The following SKP2 variants were observed in gnomAD, a reference collection of about 807,000 sequenced individuals.
The protein encoded by SKP2 is S-phase kinase associated protein 2.
In SKP2, 16 loss-of-function variants were observed where a neutral mutation model predicts 51.8. That is an observed-to-expected ratio of 0.31 (90% CI 0.21 to 0.47). SKP2 has a LOEUF of 0.47. Ranked by LOEUF, SKP2 falls within the 20% of genes least tolerant of loss-of-function variation. SKP2 has a pLI of 1.00. For missense variants in SKP2, 377 were observed against 505.3 expected, an observed-to-expected ratio of 0.75 and a Z score of 2.43; for synonymous variants, 176 against 198.6, an observed-to-expected ratio of 0.89 and a Z score of 0.96.
At chr5:36,157,717 T>C (rs1744998643) in intron 2 of SKP2, among the ~76,000 whole-genome samples, 1 of 152,228 alleles carries the variant, frequency 6.6e-6, no homozygotes, top group Non-Finnish European at 1.5e-5. Flanking sequence ...TCAGTATACA[T>C]TTCTGCAAGT....
At chr5:36,190,800 G>T (rs1561048085) in intron 6 of SKP2, among the ~76,000 whole-genome samples, 1 of 150,308 alleles carries the variant, frequency 6.7e-6, no homozygotes. Flanking sequence ...CTCCAATACA[G>T]ATAATTTTGA....
At chr5:36,170,495 T>A (rs1381738226) in intron 6 of SKP2, 53 bp downstream of exon 6, 3 of 1,057,278 alleles carry the variant, frequency 2.8e-6, no homozygotes, top group Non-Finnish European at 2.9e-6. Flanking sequence ...CGTAAAATTA[T>A]CCCTCACATC....
downstream of SKP2, among the ~76,000 whole-genome samples, chr5:36,187,028 C>T (rs1276136128): frequency 6.6e-5 from 10 of 152,084 alleles, no homozygotes; most frequent in East Asian, 7.7e-4. Context: ...AGTTTATTTG[C>T]GTAGAGGTGT....
At chr5:36,171,801 C>T in intron 7 of SKP2, 68 bp downstream of exon 7, 1 of 1,468,220 alleles carries the variant, frequency 6.8e-7, no homozygotes, top group Non-Finnish European at 9.4e-7. Context: ...TTGAGCTTCT[C>T]CTAATCATTC....
Position 36,170,453 on chromosome 5 carries a change from T to C in SKP2, c.770+11T>C. ...AAGCAGCTGTTCCAGGTATGAAAGATGTGAGACTTGATTATAGACTCTTAT... is the reference window on the plus strand; with the variant it reads ...AAGCAGCTGTTCCAGGTATGAAAGACGTGAGACTTGATTATAGACTCTTAT... On this transcript the variant is annotated intron_variant, in intron 6 of 9. Transcript: ENST00000274255. 1.3e-6 allele frequency: 2 copies of C among 1,499,044 alleles called. No individual in the cohort carries two copies. The highest frequency in any genetic ancestry group is 2.3e-5 in the South Asian group (2 of 87,478). The allele number at this position is 1,499,044 out of a possible 1,614,324, so 92.9% of individuals were successfully genotyped here.
chr5:36,153,262 TC>T (rs1744817737), intron 2 of SKP2, among the ~76,000 whole-genome samples: 1 of 151,218 alleles, frequency 6.6e-6, no homozygotes, highest in South Asian at 2.1e-4. Flanking sequence ...TGGTGCATAA[TC>T]ACCTTGAAAA....
At chr5:36,155,104 T>C (rs1246720544) in intron 2 of SKP2, 1 of 152,244 alleles carries the variant, frequency 6.6e-6, no homozygotes, top group African/African-American at 2.4e-5. Flanking sequence ...ATTGGTTGTT[T>C]AGTTGATTGG....
chr5:36,165,331 T>C (rs1372805464), intron 3 of SKP2, among the ~76,000 whole-genome samples: 1 of 152,176 alleles, frequency 6.6e-6, no homozygotes, highest in African/African-American at 2.4e-5. Context: ...AGGGTTCAGG[T>C]AGCTCCCAAA....
intron 2 of SKP2, among the ~76,000 whole-genome samples, chr5:36,156,213 A>G (rs1238060101): frequency 6.6e-6 from 1 of 152,164 alleles, no homozygotes; most frequent in African/African-American, 2.4e-5. Flanking sequence ...GTGATGCAGG[A>G]TGAGGGACAG....
chr5:36,182,332 G>A lies in SKP2; in HGVS notation c.*301G>A. ...AAAATTTGAGCCACCTCTTCCAAGT[G>A]CCCTTCTTACTAAGTCTATTCAGAA... On this transcript the variant is annotated 3_prime_UTR_variant, in exon 10 of 10. Coordinates refer to ENST00000274255, the MANE Select transcript of SKP2 (RefSeq NM_005983.4). 1 of 1,123,208 alleles carries A rather than the reference G, an allele frequency of 8.9e-7. No individual in the cohort carries two copies. The highest frequency in any genetic ancestry group is 1.1e-6 in the Non-Finnish European group (1 of 916,572). 69.6% of individuals were successfully genotyped at this position (1,123,208 alleles called of 1,614,324 possible).
intron 6 of SKP2, among the ~76,000 whole-genome samples, chr5:36,190,798 C>T (rs1481795384): frequency 5.9e-5 from 9 of 151,308 alleles, no homozygotes; most frequent in Admixed American, 5.9e-4. Flanking sequence ...CCCTCCAATA[C>T]AGATAATTTT....
At chr5:36,180,530 G>A (rs879933390) in intron 9 of SKP2, among the ~76,000 whole-genome samples, 2 of 152,054 alleles carry the variant, frequency 1.3e-5, no homozygotes, top group African/African-American at 4.8e-5. Context: ...ACATTTGTGG[G>A]GTTTAAGACA....
At chr5:36,176,899 G>A (rs1297870921) in intron 7 of SKP2, 66 bp from the exon 8 acceptor site, 3 of 1,025,538 alleles carry the variant, frequency 2.9e-6, no homozygotes, top group Non-Finnish European at 4.5e-6. Flanking sequence ...TGATAGTAGT[G>A]ATAACAAATA....
At chr5:36,153,217 T>C (rs1269649573) in intron 2 of SKP2, among the ~76,000 whole-genome samples, 175 bp downstream of exon 2, 2 of 2,884 alleles carry the variant, frequency 6.9e-4, no homozygotes, top group African/African-American at 1.4e-3. Context: ...TTGGTAGATA[T>C]ATATATATAT....
At chr5:36,190,869 G>A (rs1372849503) in intron 6 of SKP2, among the ~76,000 whole-genome samples, 1 of 152,004 alleles carries the variant, frequency 6.6e-6, no homozygotes, top group African/African-American at 2.4e-5. Context: ...AAAAGTTAGG[G>A]ATTTTCCTGC....
At chr5:36,187,360 CTT>C (rs1293457661), downstream of SKP2, among the ~76,000 whole-genome samples, 6 of 152,158 alleles carry the variant, frequency 3.9e-5, no homozygotes, top group Non-Finnish European at 8.8e-5. Flanking sequence ...CCTGCTTTCT[CTT>C]GTGGGCATTT....
In SKP2 at chr5:36,184,209, T is replaced by TAA; in HGVS notation, c.*2187_*2188dup. 14 of 336,302 alleles carry TAA rather than the reference T, an allele frequency of 4.2e-5. No individual in the cohort carries two copies. The highest frequency in any genetic ancestry group is 5.1e-5 in the East Asian group (1 of 19,770). 20.8% of individuals were successfully genotyped at this position (336,302 alleles called of 1,614,324 possible). A position where few individuals can be genotyped will look rare whatever the true frequency, so the allele number is the denominator to read the frequency against. Reference sequence around the variant, plus strand: ...CATCTACTTCATATGCTTGTCACATTAAAAAAAAAAGTTTATAATGCCTTT... The same window carrying TAA: ...CATCTACTTCATATGCTTGTCACATTAAAAAAAAAAAAGTTTATAATGCCTTT... On this transcript the variant is annotated 3_prime_UTR_variant, in exon 10 of 10. Transcript: ENST00000274255.
chr5:36,179,988 C>A (rs1745752283), intron 9 of SKP2, among the ~76,000 whole-genome samples: 1 of 151,304 alleles, frequency 6.6e-6, no homozygotes. Flanking sequence ...CTTCATCCAT[C>A]ATCTTATCTT....
intron 2 of SKP2, among the ~76,000 whole-genome samples, chr5:36,162,063 G>T (rs10070454): frequency 0.019 from 2,860 of 152,262 alleles, 85 homozygotes; most frequent in African/African-American, 0.066. Flanking sequence ...AGAAAACTGC[G>T]CTTCCTGCAT....
Sources: allele counts gnomAD v4.1 joint callset (sites outside exome capture counted in the v4.1 genomes callset), GRCh38; gene constraint gnomAD v4.1.1; transcripts MANE v1.5; gene names NCBI Gene and HGNC (gene_info 2026-07-23, HGNC 2026-07-21).